The following PTAR1 variants were observed in gnomAD, a reference collection of about 807,000 sequenced individuals.
PTAR1 encodes protein prenyltransferase alpha subunit repeat containing 1.
In PTAR1, 17 loss-of-function variants were observed where a neutral mutation model predicts 45.5. The ratio of observed to expected loss-of-function variants is 0.37; its 90% CI spans 0.26 to 0.56. The LOEUF (loss-of-function observed/expected upper bound fraction) is 0.56, where lower values mean the gene tolerates loss of function less well. Among genes scored for constraint, PTAR1 ranks in the 20% least tolerant of loss-of-function variants. The pLI, the probability that PTAR1 is intolerant of heterozygous loss-of-function variation, is 0.77. For missense variants in PTAR1, 391 were observed against 476.3 expected (o/e 0.82, Z 1.67); for synonymous variants, 169 against 171.3 (o/e 0.99, Z 0.11).
intron 3 of PTAR1, 173 bp downstream of exon 3, chr9:69,741,619 A>G (rs1826046885): frequency 3.6e-6 from 2 of 561,322 alleles, no homozygotes; most frequent in Admixed American, 3.0e-5. Flanking sequence ...TGAAGACACC[A>G]CACAAAAAGG....
chr9:69,739,990 A>T (rs1182239966), intron 3 of PTAR1, among the ~76,000 whole-genome samples: 3 of 152,152 alleles, frequency 2.0e-5, no homozygotes, highest in Non-Finnish European at 4.4e-5. Context: ...ATAGAATCAT[A>T]AAAAAATTCA....
intron 3 of PTAR1, among the ~76,000 whole-genome samples, chr9:69,738,261 C>CA (rs1296355022): frequency 6.6e-6 from 1 of 152,200 alleles, no homozygotes; most frequent in Admixed American, 6.5e-5. Flanking sequence ...TGCATCATAT[C>CA]AGAGGCATGT....
chr9:69,713,499 A>G lies in PTAR1; in HGVS notation c.*4843T>C, dbSNP rs1824604224. ...TACAAACAGATAAAATGATACATTTAAAATTTCATCTACGCATTTACTTCT... is the reference window on the plus strand; with the variant it reads ...TACAAACAGATAAAATGATACATTTGAAATTTCATCTACGCATTTACTTCT... On this transcript the variant is annotated 3_prime_UTR_variant, in exon 8 of 8. Transcript: ENST00000340434. 1 of 152,184 alleles carries G rather than the reference A, an allele frequency of 6.6e-6. No individual in the cohort carries two copies. Among genetic ancestry groups the G allele is most frequent in the African/African-American group, 2.4e-5 (1 of 41,458 alleles). 9.4% of individuals were successfully genotyped at this position (152,184 alleles called of 1,614,324 possible).
rs1824451168 is a variant in PTAR1, at chr9:69,709,710, A to C, written c.*8632T>G. ...TTCTGCCACTTATCACAGTGTAATAAGTGCCAGTAAGTCCTGGAAGACAGT... is the reference window on the plus strand; with the variant it reads ...TTCTGCCACTTATCACAGTGTAATACGTGCCAGTAAGTCCTGGAAGACAGT... On this transcript the variant is annotated 3_prime_UTR_variant, in exon 8 of 8. Coordinates refer to ENST00000340434, the MANE Select transcript of PTAR1 (RefSeq NM_001099666.2). The C allele has an allele frequency of 6.6e-6, 1 of 152,174 alleles. No homozygotes were observed. Among genetic ancestry groups the C allele is most frequent in the Non-Finnish European group, 1.5e-5 (1 of 68,006 alleles). 9.4% of individuals were successfully genotyped at this position (152,174 alleles called of 1,614,324 possible). A position where few individuals can be genotyped will look rare whatever the true frequency, so the allele number is the denominator to read the frequency against.
chr9:69,738,805 C>G (rs1265423623), intron 3 of PTAR1, among the ~76,000 whole-genome samples: 2 of 119,568 alleles, frequency 1.7e-5, no homozygotes, highest in African/African-American at 2.8e-5. Flanking sequence ...TCCCTAACAC[C>G]TCAATTTTTT....
At chr9:69,739,175 G>C (rs1825927877) in intron 3 of PTAR1, among the ~76,000 whole-genome samples, 1 of 152,096 alleles carries the variant, frequency 6.6e-6, no homozygotes, top group African/African-American at 2.4e-5. Context: ...AGGTTTCTTA[G>C]CTCAAAATGT....
intron 3 of PTAR1, among the ~76,000 whole-genome samples, chr9:69,736,206 CAACT>C (rs981325965): frequency 2.6e-5 from 4 of 152,178 alleles, no homozygotes; most frequent in Non-Finnish European, 2.9e-5. Context: ...AGCCCAGAAC[CAACT>C]GAGTCAGAAA....
At chr9:69,735,791 C>T (rs1297282114) in intron 3 of PTAR1, among the ~76,000 whole-genome samples, 2 of 151,994 alleles carry the variant, frequency 1.3e-5, no homozygotes, top group Non-Finnish European at 2.9e-5. Flanking sequence ...CAGAATCCAG[C>T]TCTTATACCA....
chr9:69,754,532 C>CTTTTT (rs60025062), intron 1 of PTAR1, among the ~76,000 whole-genome samples: 18 of 76,262 alleles, frequency 2.4e-4, no homozygotes, highest in African/African-American at 9.8e-4. Context: ...GGGTATATAT[C>CTTTTT]TTTTTTTTTT....
At position 69,715,670 on chromosome 9, in the gene PTAR1, G is replaced by C. The variant is rs937513177; in HGVS notation, c.*2672C>G. 4.6e-5 allele frequency: 7 copies of C among 152,010 alleles called. No individual in the cohort carries two copies. The highest frequency in any genetic ancestry group is 1.7e-4 in the African/African-American group (7 of 41,394). 9.4% of individuals were successfully genotyped at this position (152,010 alleles called of 1,614,324 possible). ...ATAGAAAAATAAGTGAAGACTAAAA[G>C]TCCCAGAAAACAGACACATCCTTTC... On this transcript the variant is annotated 3_prime_UTR_variant, in exon 8 of 8. Coordinates refer to ENST00000340434, the MANE Select transcript of PTAR1 (RefSeq NM_001099666.2).
intron 3 of PTAR1, among the ~76,000 whole-genome samples, chr9:69,740,428 A>G (rs531422257): frequency 3.3e-5 from 5 of 151,524 alleles, no homozygotes; most frequent in African/African-American, 4.9e-5. Flanking sequence ...GTGTGTGTGT[A>G]TGTACCTATC....
At chr9:69,740,822 T>C (rs1414123664) in intron 3 of PTAR1, among the ~76,000 whole-genome samples, 1 of 152,192 alleles carries the variant, frequency 6.6e-6, no homozygotes, top group Non-Finnish European at 1.5e-5. Flanking sequence ...GAGTCATATA[T>C]GATTTAAAAT....
At position 69,718,583 on chromosome 9, in the gene PTAR1, A is replaced by C. The variant is rs767862940; in HGVS notation, c.983-15T>G. ...CTGGGAGCCTGCTGGGATAAGGTGC[A>C]AGTCACTCAAAGTCCCCCCAGGGCT... On this transcript the variant is annotated splice_polypyrimidine_tract_variant and intron_variant, in intron 7 of 7. Coordinates refer to ENST00000340434, the MANE Select transcript of PTAR1 (RefSeq NM_001099666.2). The C allele has an allele frequency of 6.2e-7, 1 of 1,613,474 alleles. No homozygotes were observed. Among genetic ancestry groups the C allele is most frequent in the Admixed American group, 1.7e-5 (1 of 59,942 alleles).
At chr9:69,754,341 C>A (rs994814840) in intron 1 of PTAR1, among the ~76,000 whole-genome samples, 1 of 151,898 alleles carries the variant, frequency 6.6e-6, no homozygotes, top group African/African-American at 2.4e-5. Context: ...AATACTTAGC[C>A]CCAAACCCCT....
chr9:69,740,589 C>G (rs911310881), intron 3 of PTAR1, among the ~76,000 whole-genome samples: 2 of 151,444 alleles, frequency 1.3e-5, no homozygotes, highest in African/African-American at 4.9e-5. Flanking sequence ...ATTTCCGTGC[C>G]CAATTTGCAA....
chr9:69,759,806 C>T (rs1827004763), intron 1 of PTAR1, 47 bp downstream of exon 1: 1 of 1,500,868 alleles, frequency 6.7e-7, no homozygotes, highest in African/African-American at 1.5e-5. Context: ...GCCCCGCCCC[C>T]GCCCGCTCCC....
intron 3 of PTAR1, among the ~76,000 whole-genome samples, chr9:69,738,153 A>G (rs1325463815): frequency 6.6e-6 from 1 of 152,170 alleles, no homozygotes; most frequent in Admixed American, 6.5e-5. Context: ...CAGTTTTGAG[A>G]ATATGGGTCA....
Position 69,723,516 on chromosome 9 carries a change from T to C in PTAR1, c.757A>G (p.Ile253Val). 6.2e-7 allele frequency: 1 copy of C among 1,613,866 alleles called. No individual in the cohort carries two copies. Among genetic ancestry groups the C allele is most frequent in the Non-Finnish European group, 8.5e-7 (1 of 1,179,788 alleles). ...LLKSLISQTV[I>V]DSSVMEQNPL... ...TTTTGCTCCATCACAGAACTGTCTA[T>C]CACAGTTTGGCTAATCAAAGACTTA... The change falls in exon 6 of 8, where the codon ATA becomes GTA. Residue 253 changes from isoleucine to valine, a missense_variant. By Grantham distance (29) the Ile-to-Val change is conservative. Coordinates refer to ENST00000340434, the MANE Select transcript of PTAR1 (RefSeq NM_001099666.2).
intron 3 of PTAR1, among the ~76,000 whole-genome samples, chr9:69,739,050 C>T (rs567611204): frequency 6.6e-6 from 1 of 152,224 alleles, no homozygotes; most frequent in South Asian, 2.1e-4. Context: ...TCGTGATCCA[C>T]CCACCTTGGC....
Sources: gnomAD v4.1 joint callset for allele counts (sites outside exome capture counted in the v4.1 genomes callset) on GRCh38, gnomAD v4.1.1 for gene constraint, MANE v1.5 for transcripts, NCBI Gene and HGNC (gene_info 2026-07-23, HGNC 2026-07-21) for gene names.